The following SATB2 variants were observed in gnomAD, a reference collection of about 807,000 sequenced individuals.
SATB2 encodes DNA-binding protein SATB2.
SATB2 carries 1 observed loss-of-function variant against 73.4 expected under a neutral mutation model. The observed-to-expected ratio is 0.01, with a 90% CI of 0.00 to 0.06. SATB2 has a LOEUF of 0.06. Ranked by LOEUF, SATB2 falls within the 10% of genes least tolerant of loss-of-function variation. The probability of loss-of-function intolerance (pLI) is 1.00; values close to 1 mark genes in which losing one functional copy is unlikely to be tolerated. For missense variants in SATB2, 459 were observed against 945.8 expected, an observed-to-expected ratio of 0.49 and a Z score of 6.75; for synonymous variants, 397 against 367.0, an observed-to-expected ratio of 1.08 and a Z score of -0.93.
At chr2:199,344,595 C>T (rs1688597783) in intron 7 of SATB2, among the ~76,000 whole-genome samples, 1 of 152,146 alleles carries the variant, frequency 6.6e-6, no homozygotes, top group African/African-American at 2.4e-5. Context: ...CCTGCCATAC[C>T]GAAAATGTCA....
At position 199,348,841 on chromosome 2, in the gene SATB2, T is replaced by C. The variant is rs1180112158; in HGVS notation, c.1033A>G (p.Ile345Val). The change falls in exon 7 of 11, where the codon ATC becomes GTC. Residue 345 changes from isoleucine (I) to valine (V), a missense_variant. Ile to Val is a conservative substitution (Grantham distance 29, BLOSUM62 3). This residue lies in a region of SATB2 where 35 missense variants were observed against 55.3 expected (regional missense o/e 0.63). Coordinates refer to ENST00000417098, the MANE Select transcript of SATB2 (RefSeq NM_001172509.2). ...INQQFLNHPP[I>V]PRAVKPEPTN... The stretch of plus-strand genomic sequence containing the variant: ...GGCTCTGGCTTAACTGCTCTGGGGA[T>C]GGGTGGATGGTTCAGGAACTGCTGG... 6.2e-7 allele frequency: 1 copy of C among 1,613,870 alleles called. No homozygotes were observed. Among genetic ancestry groups the C allele is most frequent in the African/African-American group, 1.3e-5 (1 of 74,884 alleles).
intron 3 of SATB2, among the ~76,000 whole-genome samples, chr2:199,419,838 A>G (rs1242501549): frequency 6.6e-6 from 1 of 152,184 alleles, no homozygotes; most frequent in Non-Finnish European, 1.5e-5. Flanking sequence ...GATTAAGTAG[A>G]ATGCATTTGT....
At chr2:199,295,310 G>A (rs1692996471) in intron 10 of SATB2, among the ~76,000 whole-genome samples, 1 of 151,552 alleles carries the variant, frequency 6.6e-6, no homozygotes. Flanking sequence ...AGCAAGTTTT[G>A]TTTATAAAAA....
At chr2:199,281,779 C>T (rs116007782) in intron 10 of SATB2, among the ~76,000 whole-genome samples, 123 of 152,094 alleles carry the variant, frequency 8.1e-4, no homozygotes, top group African/African-American at 2.8e-3. Flanking sequence ...TTTATGTCTC[C>T]GTCACTGTTG....
intron 5 of SATB2, among the ~76,000 whole-genome samples, chr2:199,379,936 T>C (rs1689720154): frequency 6.6e-6 from 1 of 151,852 alleles, no homozygotes; most frequent in Admixed American, 6.6e-5. Context: ...CAGGCTAGAG[T>C]ACAGTGGTGT....
intron 3 of SATB2, among the ~76,000 whole-genome samples, chr2:199,413,915 G>T (rs577633041): frequency 6.6e-6 from 1 of 152,176 alleles, no homozygotes; most frequent in East Asian, 1.9e-4. Context: ...TGGTTAAGCC[G>T]CTGTTGAAGA....
rs766855879 is a variant in SATB2 at position 199,349,142 on chromosome 2, G to C, written c.732C>G (p.Asp244Glu). ...TTGGACGCTGGCCCAGAACACAATAGTCTGAAAGGTTTTCTCGTTCCACTC... is the reference window on the plus strand; with the variant it reads ...TTGGACGCTGGCCCAGAACACAATACTCTGAAAGGTTTTCTCGTTCCACTC... Reference protein sequence around the residue: ...VERVERENLSDYCVLGQRPMH... With the variant: ...VERVERENLSEYCVLGQRPMH... The change falls in exon 7 of 11, where the codon GAC (aspartate) becomes GAG (glutamate). Residue 244 changes from aspartate to glutamate, a missense_variant. Asp to Glu is a conservative substitution (Grantham distance 45, BLOSUM62 2). Around this residue, in one of 13 missense-constraint regions of SATB2, gnomAD observed 77 missense variants for 90.4 expected, o/e 0.85. Transcript: ENST00000417098. The C allele has an allele frequency of 5.0e-6, 8 of 1,613,732 alleles. No individual in the cohort carries two copies. Among genetic ancestry groups the C allele is most frequent in the Middle Eastern group, 1.7e-4 (1 of 6,056 alleles).
At chr2:199,306,924 G>A (rs1191124122) in intron 10 of SATB2, among the ~76,000 whole-genome samples, 1 of 152,124 alleles carries the variant, frequency 6.6e-6, no homozygotes, top group East Asian at 1.9e-4. Flanking sequence ...AAAATAAGCT[G>A]TGATTAATAT....
upstream of SATB2, among the ~76,000 whole-genome samples, chr2:199,466,785 C>T (rs1692601191): frequency 6.6e-6 from 1 of 152,208 alleles, no homozygotes; most frequent in South Asian, 2.1e-4. Flanking sequence ...TGTGGATACT[C>T]CAGTTTTATT....
chr2:199,373,212 G>A (rs569257519), intron 5 of SATB2, among the ~76,000 whole-genome samples: 17 of 152,250 alleles, frequency 1.1e-4, no homozygotes, highest in Non-Finnish European at 2.5e-4. Flanking sequence ...ATGAGGGAGA[G>A]AGCAAAGACA....
intron 3 of SATB2, among the ~76,000 whole-genome samples, chr2:199,392,756 A>G (rs1428272941): frequency 1.3e-5 from 2 of 152,226 alleles, no homozygotes; most frequent in African/African-American, 4.8e-5. Flanking sequence ...AAAACAAGAA[A>G]CAAACTCCCC....
chr2:199,370,736 C>T (rs1262776277), intron 5 of SATB2, among the ~76,000 whole-genome samples: 1 of 152,072 alleles, frequency 6.6e-6, no homozygotes, highest in East Asian at 1.9e-4. Context: ...TCAATTGACC[C>T]TGCACAAGGC....
At chr2:199,434,109 C>A (rs1343723283) in intron 2 of SATB2, among the ~76,000 whole-genome samples, 1 of 152,118 alleles carries the variant, frequency 6.6e-6, no homozygotes, top group Admixed American at 6.5e-5. Context: ...GTCCCTCTTA[C>A]GTGCTGTTGT....
At chr2:199,367,297 G>A (rs773192934) in intron 6 of SATB2, among the ~76,000 whole-genome samples, 1 of 152,222 alleles carries the variant, frequency 6.6e-6, no homozygotes, top group Non-Finnish European at 1.5e-5. Context: ...GATCTAACGG[G>A]TCCTAAGAAT....
At chr2:199,408,296 A>ATTTC (rs1211756701) in intron 3 of SATB2, among the ~76,000 whole-genome samples, 3 of 152,180 alleles carry the variant, frequency 2.0e-5, no homozygotes, top group African/African-American at 4.8e-5. Flanking sequence ...CGGAATAAGA[A>ATTTC]TGTATTAAAT....
rs553670859 is a variant in SATB2, at chr2:199,428,467, T to C, written c.346+4871A>G. On this transcript the variant is annotated intron_variant, in intron 3 of 10. Coordinates refer to ENST00000417098, the MANE Select transcript of SATB2 (RefSeq NM_001172509.2). ...AAAGAGCAAGTGCTGGCAATCAAAC[T>C]GTTCACAGGACGGCTGTGTGGTTAA... 1.1e-4 allele frequency among the ~76,000 whole-genome samples: 17 copies of C among 152,298 alleles called. No homozygotes were observed. In the South Asian group the frequency reaches 1.2e-3, roughly 11 times the overall value.
Position 199,270,963 on chromosome 2 carries a change from G to A in SATB2, c.*1248C>T, listed in dbSNP as rs1396040830. 1.3e-5 allele frequency: 2 copies of A among 152,346 alleles called. No homozygotes were observed. Among genetic ancestry groups the A allele is most frequent in the African/African-American group, 4.8e-5 (2 of 41,450 alleles). The allele number at this position is 152,346 out of a possible 1,614,324, so 9.4% of individuals were successfully genotyped here. On this transcript the variant is annotated 3_prime_UTR_variant, in exon 11 of 11. Coordinates refer to ENST00000417098, the MANE Select transcript of SATB2 (RefSeq NM_001172509.2). Reference sequence around the variant, plus strand: ...TAGATGGAATGTGTACGAAGAAGAGGAAGCCCAAAGTGAAGCAGAAATCAG... The same window carrying A: ...TAGATGGAATGTGTACGAAGAAGAGAAAGCCCAAAGTGAAGCAGAAATCAG...
At position 199,375,835 on chromosome 2, in the gene SATB2, T is replaced by C. The variant is rs527734284; in HGVS notation, c.597+4529A>G. ...AGTTCCTCCCTCAGATTCACTGTTA[T>C]ATCCCCAGCCCATCGCAAAGTGCCT... On this transcript the variant is annotated intron_variant, in intron 5 of 10. Coordinates refer to ENST00000417098, the MANE Select transcript of SATB2 (RefSeq NM_001172509.2). Among the ~76,000 whole-genome samples, 6 of 152,314 alleles carry C rather than the reference T, an allele frequency of 3.9e-5. No individual in the cohort carries two copies. In the East Asian group the frequency reaches 1.2e-3, roughly 29 times the overall value.
intron 9 of SATB2, among the ~76,000 whole-genome samples, chr2:199,321,378 T>TA (rs1390847297): frequency 7.3e-6 from 1 of 137,128 alleles, no homozygotes; most frequent in Non-Finnish European, 1.5e-5. Flanking sequence ...TGTCTATACA[T>TA]AGACATATAT....
Sources: gnomAD v4.1 joint callset for allele counts (sites outside exome capture counted in the v4.1 genomes callset) on GRCh38, gnomAD v4.1.1 for gene constraint, gnomAD v4.1.1 regional missense constraint, MANE v1.5 for transcripts, NCBI Gene and HGNC (gene_info 2026-07-23, HGNC 2026-07-21) for gene names.